The following GPC6 variants were observed in gnomAD, a reference collection of about 807,000 sequenced individuals.
The protein encoded by GPC6 is glypican-6.
A neutral mutation model predicts 55.2 loss-of-function variants in GPC6; 14 were observed. That is an observed-to-expected ratio of 0.25 (90% confidence interval 0.17 to 0.40). GPC6 has a LOEUF of 0.40. Among genes scored for constraint, GPC6 ranks in the 10% least tolerant of loss-of-function variants. GPC6 has a pLI of 1.00. For missense variants in GPC6, 641 were observed against 708.5 expected, an observed-to-expected ratio of 0.90 and a Z score of 1.08; for synonymous variants, 278 against 259.6, an observed-to-expected ratio of 1.07 and a Z score of -0.68.
intron 1 of GPC6, among the ~76,000 whole-genome samples, chr13:93,361,809 G>A (rs570283987): frequency 2.0e-5 from 3 of 152,100 alleles, no homozygotes; most frequent in Non-Finnish European, 4.4e-5. Context: ...TTAAAAACCC[G>A]ACTTCAGTAA....
At chr13:93,467,838 G>A (rs908714592) in intron 1 of GPC6, among the ~76,000 whole-genome samples, 9 of 151,756 alleles carry the variant, frequency 5.9e-5, no homozygotes, top group East Asian at 1.9e-4. Context: ...TGATTTTCCC[G>A]CCAAGGCCTC....
At chr13:93,461,543 ATCTACCATTG>A (rs1480331057) in intron 1 of GPC6, among the ~76,000 whole-genome samples, 4 of 152,146 alleles carry the variant, frequency 2.6e-5, no homozygotes, top group Non-Finnish European at 5.9e-5. Flanking sequence ...AGTAGAGTCC[ATCTACCATTG>A]TCTACCATTG....
At chr13:93,588,946 CG>C (rs1877334837) in intron 2 of GPC6, among the ~76,000 whole-genome samples, 3 of 152,018 alleles carry the variant, frequency 2.0e-5, no homozygotes, top group Non-Finnish European at 4.4e-5. Flanking sequence ...GTACCTGTTT[CG>C]GGGGAAGAGT....
chr13:94,311,382 T>G (rs1876238536), intron 6 of GPC6, among the ~76,000 whole-genome samples: 1 of 152,198 alleles, frequency 6.6e-6, no homozygotes, highest in Non-Finnish European at 1.5e-5. Flanking sequence ...TTTTCCAGGC[T>G]GGTCTTGAAC....
At chr13:93,746,047 CAT>C (rs1884385591) in intron 2 of GPC6, among the ~76,000 whole-genome samples, 1 of 152,184 alleles carries the variant, frequency 6.6e-6, no homozygotes, top group Non-Finnish European at 1.5e-5. Context: ...TTAGTTATCA[CAT>C]GAGTGGAAAG....
intron 3 of GPC6, among the ~76,000 whole-genome samples, chr13:93,932,868 A>G (rs751528950): frequency 6.6e-6 from 1 of 152,136 alleles, no homozygotes; most frequent in Non-Finnish European, 1.5e-5. Flanking sequence ...ATGGCTTAAA[A>G]CAAAACAAAT....
chr13:93,578,810 G>T lies in GPC6; in HGVS notation c.319+33389G>T, dbSNP rs549344523. Among the ~76,000 whole-genome samples the T allele has an allele frequency of 7.9e-5, 12 of 151,420 alleles. 1 individual carries two copies. Among genetic ancestry groups the T allele is most frequent in the Admixed American group, 7.2e-4 (11 of 15,210 alleles). ...TTTGAAATCTTTCTACTTTTTTGAT[G>T]TCTGTGTTTATTGTTATAAACTTCC... On this transcript the variant is annotated intron_variant, in intron 2 of 8. Transcript: ENST00000377047.
intron 1 of GPC6, among the ~76,000 whole-genome samples, chr13:93,303,017 CTT>C (rs945935721): frequency 6.6e-6 from 1 of 152,106 alleles, no homozygotes; most frequent in Non-Finnish European, 1.5e-5. Context: ...AGCCAACAAA[CTT>C]ATAATTATAT....
At chr13:93,378,480 G>C (rs1875018888) in intron 1 of GPC6, among the ~76,000 whole-genome samples, 2 of 152,056 alleles carry the variant, frequency 1.3e-5, no homozygotes, top group African/African-American at 2.4e-5. Flanking sequence ...TCAGTTAATT[G>C]CTCCCTATTT....
At chr13:93,277,770 C>T (rs946457724) in intron 1 of GPC6, among the ~76,000 whole-genome samples, 2 of 152,040 alleles carry the variant, frequency 1.3e-5, no homozygotes, top group Non-Finnish European at 2.9e-5. Context: ...TTTCTAAGGG[C>T]AGGAATCACA....
At chr13:93,871,413 C>T (rs575111612) in intron 3 of GPC6, among the ~76,000 whole-genome samples, 1 of 151,980 alleles carries the variant, frequency 6.6e-6, no homozygotes, top group Admixed American at 6.6e-5. Context: ...TATCACAGTT[C>T]GAGTTTATTC....
chr13:93,462,343 C>T (rs1418015997), intron 1 of GPC6, among the ~76,000 whole-genome samples: 2 of 152,030 alleles, frequency 1.3e-5, no homozygotes, highest in East Asian at 3.9e-4. Context: ...CCTATCACAC[C>T]AAATTACCAG....
At position 93,506,382 on chromosome 13, in the gene GPC6, A is replaced by G. The variant is rs906052962; in HGVS notation, c.161-38881A>G. On this transcript the variant is annotated intron_variant, in intron 1 of 8. Transcript: ENST00000377047. Reference sequence around the variant, plus strand: ...TTCCCGTGCTTTATTCCAGTAAGAAAAACTGAGAGTTCACTAACTTGGTAG... The same window carrying G: ...TTCCCGTGCTTTATTCCAGTAAGAAGAACTGAGAGTTCACTAACTTGGTAG... 2.6e-5 allele frequency among the ~76,000 whole-genome samples: 4 copies of G among 152,214 alleles called. No homozygotes were observed. The East Asian group carries it at 7.7e-4, about 29-fold the overall frequency.
intron 4 of GPC6, among the ~76,000 whole-genome samples, chr13:94,228,902 T>C (rs1445295758): frequency 1.3e-5 from 2 of 151,882 alleles, no homozygotes; most frequent in African/African-American, 4.8e-5. Flanking sequence ...TGCTGGCCAA[T>C]GGGGATTACT....
intron 3 of GPC6, among the ~76,000 whole-genome samples, chr13:94,008,808 A>G (rs1433257627): frequency 1.3e-5 from 2 of 152,176 alleles, no homozygotes; most frequent in East Asian, 3.8e-4. Context: ...TATCCATTTA[A>G]AAAGACATAA....
chr13:94,271,090 A>C (rs915168437), intron 4 of GPC6, among the ~76,000 whole-genome samples: 3 of 140,002 alleles, frequency 2.1e-5, no homozygotes, highest in African/African-American at 8.1e-5. Context: ...TCCCAGGTTC[A>C]TGCCATTCTC....
intron 1 of GPC6, among the ~76,000 whole-genome samples, chr13:93,526,544 TA>T (rs1214861438): frequency 1.3e-5 from 2 of 152,080 alleles, no homozygotes; most frequent in Non-Finnish European, 2.9e-5. Context: ...TATCCTTATA[TA>T]TTTTCTCTTC....
At chr13:94,217,692 C>T (rs139300681) in intron 4 of GPC6, among the ~76,000 whole-genome samples, 2,028 of 152,320 alleles carry the variant, frequency 0.013, 24 homozygotes, top group Non-Finnish European at 0.021. Context: ...AGCATGTCTA[C>T]TGTATCCTGT....
intron 3 of GPC6, among the ~76,000 whole-genome samples, chr13:93,964,627 A>G (rs1469651565): frequency 3.3e-5 from 5 of 152,206 alleles, no homozygotes; most frequent in Non-Finnish European, 5.9e-5. Flanking sequence ...AGAAGTGGGT[A>G]GTGCGTATAG....
Sources: gnomAD v4.1 joint callset for allele counts (sites outside exome capture counted in the v4.1 genomes callset) on GRCh38, gnomAD v4.1.1 for gene constraint, MANE v1.5 for transcripts, NCBI Gene and HGNC (gene_info 2026-07-23, HGNC 2026-07-21) for gene names.